Variants in MSI2 observed in about 807,000 individuals in gnomAD.
The protein encoded by MSI2 is RNA-binding protein Musashi homolog 2.
In MSI2, 17 loss-of-function variants were observed where a neutral mutation model predicts 45.6. That is an observed-to-expected ratio of 0.37 (90% CI 0.26 to 0.56). The LOEUF is 0.56. MSI2 is among the 20% of genes least tolerant of loss of function. The pLI is 0.77. For synonymous variants in MSI2, 156 were observed against 158.2 expected (o/e 0.99, Z 0.11); for missense variants, 293 against 444.2 (o/e 0.66, Z 3.06).
rs1055537804 is a variant in MSI2 at position 57,529,481 on chromosome 17, C to G, written c.406-195C>G. ...TAAAGGGAACTATATAAAATGTTAACTGTATACAACGGTGTGGAGTGGAAA... is the reference window on the plus strand; with the variant it reads ...TAAAGGGAACTATATAAAATGTTAAGTGTATACAACGGTGTGGAGTGGAAA... On this transcript the variant is annotated intron_variant, in intron 6 of 13. Transcript: ENST00000284073. The surrounding 1 kb of genome is among the most constrained non-coding windows in gnomAD (Gnocchi z 5.3). 1.3e-5 allele frequency among the ~76,000 whole-genome samples: 2 copies of G among 151,346 alleles called. No individual in the cohort carries two copies. Among genetic ancestry groups the G allele is most frequent in the Non-Finnish European group, 2.9e-5 (2 of 67,956 alleles).
chr17:57,456,309 C>T (rs116078660), intron 6 of MSI2, among the ~76,000 whole-genome samples: 187 of 152,250 alleles, frequency 1.2e-3, no homozygotes, highest in African/African-American at 4.4e-3. Context: ...TATGAGGGAG[C>T]GAAGAACATC....
chr17:57,484,191 G>C (rs571553755), intron 6 of MSI2, among the ~76,000 whole-genome samples: 1 of 152,242 alleles, frequency 6.6e-6, no homozygotes, highest in African/African-American at 2.4e-5. Flanking sequence ...CTTGGCCTCC[G>C]TTAGCAGTCG....
At chr17:57,692,922 T>C in the MSI2 span, among the ~76,000 whole-genome samples, 1 of 151,746 alleles carries the variant, frequency 6.6e-6, no homozygotes, top group Non-Finnish European at 1.5e-5. Context: ...TCTCTTTGTT[T>C]TGTCTCTTTG....
In MSI2 at chr17:57,627,210, C is replaced by T; in HGVS notation, c.653-19C>T. 6.2e-7 allele frequency: 1 copy of T among 1,613,724 alleles called. No individual in the cohort carries two copies. The highest frequency in any genetic ancestry group is 8.5e-7 in the Non-Finnish European group (1 of 1,179,600). ...GCGGCTGTACTAACAGGACTCTGATCTTTCTCTTTGTGTTCAAGGATATCC... is the reference window on the plus strand; with the variant it reads ...GCGGCTGTACTAACAGGACTCTGATTTTTCTCTTTGTGTTCAAGGATATCC... On this transcript the variant is annotated intron_variant, in intron 9 of 13. Transcript: ENST00000284073. This position sits in a 1 kb window ranked among gnomAD's most constrained non-coding sequence, Gnocchi z 4.6.
chr17:57,554,184 C>G (rs948756528), intron 7 of MSI2, among the ~76,000 whole-genome samples: 1 of 150,658 alleles, frequency 6.6e-6, no homozygotes, highest in South Asian at 2.1e-4. Context: ...GAAACAAGAA[C>G]GACACCAAGT....
chr17:57,359,144 C>T (rs1045342209), intron 5 of MSI2, among the ~76,000 whole-genome samples: 2 of 152,162 alleles, frequency 1.3e-5, no homozygotes, highest in Admixed American at 6.5e-5. Context: ...GCACTCTCTC[C>T]GATTCCCCAA....
At chr17:57,567,050 TG>T (rs1309135727) in intron 7 of MSI2, among the ~76,000 whole-genome samples, 1 of 152,192 alleles carries the variant, frequency 6.6e-6, no homozygotes, top group African/African-American at 2.4e-5. Context: ...TTGGGAGGTT[TG>T]GGGGACAAAT....
intron 5 of MSI2, among the ~76,000 whole-genome samples, chr17:57,310,898 A>G (rs2143604459): frequency 6.6e-6 from 1 of 152,196 alleles, no homozygotes; most frequent in South Asian, 2.1e-4. Context: ...TCTGCCCCTT[A>G]CTATCTGGGG....
intron 5 of MSI2, among the ~76,000 whole-genome samples, chr17:57,371,193 A>G (rs1054771972): frequency 1.3e-5 from 2 of 152,142 alleles, no homozygotes; most frequent in African/African-American, 4.8e-5. Flanking sequence ...ATAAAACACC[A>G]CTCCAGCCAC....
At chr17:57,394,010 A>T (rs568051588) in intron 5 of MSI2, among the ~76,000 whole-genome samples, 3 of 152,318 alleles carry the variant, frequency 2.0e-5, no homozygotes, top group African/African-American at 7.2e-5. Context: ...TCATTTGTGG[A>T]GTTGACAGAC....
At chr17:57,521,255 T>C (rs1378200706) in intron 6 of MSI2, among the ~76,000 whole-genome samples, 3 of 152,058 alleles carry the variant, frequency 2.0e-5, no homozygotes, top group Non-Finnish European at 4.4e-5. Context: ...AGGCTTGGAC[T>C]CAAAAGCCCA....
At chr17:57,478,877 T>G (rs1316276322) in intron 6 of MSI2, among the ~76,000 whole-genome samples, 1 of 152,210 alleles carries the variant, frequency 6.6e-6, no homozygotes, top group Non-Finnish European at 1.5e-5. Context: ...GAGTCGCTAC[T>G]TTGTCTCTTT....
intron 6 of MSI2, among the ~76,000 whole-genome samples, chr17:57,420,388 C>G (rs9901780): frequency 0.74 from 112,802 of 152,172 alleles, 41,923 homozygotes; most frequent in South Asian, 0.88. Flanking sequence ...TGCTCTCCCC[C>G]ACTTTTGGAG....
chr17:57,497,985 G>A (rs986680467), intron 6 of MSI2, among the ~76,000 whole-genome samples: 4 of 152,092 alleles, frequency 2.6e-5, no homozygotes, highest in Non-Finnish European at 5.9e-5. Flanking sequence ...TTAAATTAGA[G>A]CCAAAAAGGG....
chr17:57,638,041 A>G (rs1909970908), intron 10 of MSI2, among the ~76,000 whole-genome samples: 1 of 152,240 alleles, frequency 6.6e-6, no homozygotes, highest in Non-Finnish European at 1.5e-5. Flanking sequence ...GAAAGGCTGC[A>G]ACTTAAAAAA....
intron 6 of MSI2, chr17:57,522,930 T>G (rs1300293761): frequency 6.6e-6 from 1 of 152,224 alleles, no homozygotes; most frequent in Non-Finnish European, 1.5e-5. Flanking sequence ...GAGCCAAAAC[T>G]GTAAAACCTT....
At chr17:57,386,676 C>T (rs908347334) in intron 5 of MSI2, among the ~76,000 whole-genome samples, 8 of 151,984 alleles carry the variant, frequency 5.3e-5, no homozygotes, top group African/African-American at 1.7e-4. Context: ...ACATTGACCA[C>T]GACCCTCCCT....
chr17:57,503,931 G>A lies in MSI2; in HGVS notation c.406-25745G>A, dbSNP rs111787375. On this transcript the variant is annotated intron_variant, in intron 6 of 13. Transcript: ENST00000284073. ...AGCTAATTTTTGTATTTTAAGTAGA[G>A]ATGCATGTTGGTCACGCTGGTCTCG... Among the ~76,000 whole-genome samples, 16 of 152,126 alleles carry A rather than the reference G, an allele frequency of 1.1e-4. 1 individual carries two copies. Among genetic ancestry groups the A allele is most frequent in the African/African-American group, 3.1e-4 (13 of 41,528 alleles).
chr17:57,575,160 C>A (rs1214725846), intron 7 of MSI2, among the ~76,000 whole-genome samples: 3 of 142,426 alleles, frequency 2.1e-5, no homozygotes, highest in East Asian at 2.1e-4. Flanking sequence ...CTCCCCCCGC[C>A]ACCCCCCGGC....
Sources: gnomAD v4.1 joint callset for allele counts (sites outside exome capture counted in the v4.1 genomes callset) on GRCh38, gnomAD v4.1.1 for gene constraint, Gnocchi (gnomAD v3.1) non-coding constraint, MANE v1.5 for transcripts, NCBI Gene and HGNC (gene_info 2026-07-23, HGNC 2026-07-21) for gene names.